DGKD: variants seen among roughly 807,000 people sequenced by gnomAD.
DGKD encodes diacylglycerol kinase delta, also known as DAG kinase delta.
In DGKD, 68 loss-of-function variants were observed where a neutral mutation model predicts 154.4. The ratio of observed to expected loss-of-function variants is 0.44; its 90% confidence interval spans 0.36 to 0.54. DGKD has a LOEUF of 0.54. DGKD is among the 20% of genes least tolerant of loss of function. The pLI is 0.00. For missense variants in DGKD, 1,343 were observed against 1,593.6 expected, an observed-to-expected ratio of 0.84 and a Z score of 2.68; for synonymous variants, 693 against 638.0, an observed-to-expected ratio of 1.09 and a Z score of -1.30.
At chr2:233,411,529 T>C (rs1300730682) in intron 3 of DGKD, among the ~76,000 whole-genome samples, 1 of 152,240 alleles carries the variant, frequency 6.6e-6, no homozygotes, top group African/African-American at 2.4e-5. Context: ...ATTTTTTTAA[T>C]TGGGTTCTTA....
chr2:233,354,764 A>G lies in DGKD; in HGVS notation c.156+90A>G. 1 of 795,932 alleles carries G rather than the reference A, an allele frequency of 1.3e-6. No individual in the cohort carries two copies. Among genetic ancestry groups the G allele is most frequent in the Non-Finnish European group, 1.5e-6 (1 of 661,816 alleles). 49.3% of individuals were successfully genotyped at this position (795,932 alleles called of 1,614,324 possible). On this transcript the variant is annotated intron_variant, in intron 1 of 29. Coordinates refer to ENST00000264057, the MANE Select transcript of DGKD (RefSeq NM_152879.3). This position sits in a 1 kb window ranked among gnomAD's most constrained non-coding sequence, Gnocchi z 4.8. The stretch of plus-strand genomic sequence containing the variant: ...CGTGGCCCTGCCCGAGCGGCCGCCC[A>G]GGCCCGGCTCGGCCCGGCCCGGGGT...
rs367697563 is a variant in DGKD, at chr2:233,459,842, A to G, written c.2780A>G (p.Tyr927Cys). Residue 927 changes from tyrosine to cysteine, a missense_variant, in exon 23 of 30, where the codon TAC becomes TGC. By Grantham distance (194) the Tyr-to-Cys change is radical. This residue lies in a region of DGKD where 429 missense variants were observed against 496.3 expected (regional missense o/e 0.86). Transcript: ENST00000264057. This position sits in a 1 kb window ranked among gnomAD's most constrained non-coding sequence, Gnocchi z 5.7. ...GAGGCCTGGGTCCAGCCGCCAGGGTACATTCGGATTGTCCACAAGAACCGG... is the reference window on the plus strand; with the variant it reads ...GAGGCCTGGGTCCAGCCGCCAGGGTGCATTCGGATTGTCCACAAGAACCGG... ...DGEAWVQPPG[Y>C]IRIVHKNRAQ... The G allele has an allele frequency of 3.7e-6, 6 of 1,614,002 alleles. 1 individual carries two copies. Among genetic ancestry groups the G allele is most frequent in the Non-Finnish European group, 5.1e-6 (6 of 1,180,010 alleles).
At chr2:233,463,847 G>A (rs1000021365) in intron 26 of DGKD, 2 of 345,266 alleles carry the variant, frequency 5.8e-6, no homozygotes, top group Non-Finnish European at 1.1e-5. Context: ...GCTTCCCACA[G>A]CATTTCCACT....
In DGKD at chr2:233,454,760, C is replaced by A; in HGVS notation, c.2265-3C>A. Reference sequence around the variant, plus strand: ...GTAATTGATTTAAAACTCACCTTTGCAGAGAGTATTACACGGAGAAATGTG... The same window carrying A: ...GTAATTGATTTAAAACTCACCTTTGAAGAGAGTATTACACGGAGAAATGTG... On this transcript the variant is annotated splice_region_variant and splice_polypyrimidine_tract_variant and intron_variant, in intron 18 of 29. Transcript: ENST00000264057. 2 of 1,581,734 alleles carry A rather than the reference C, an allele frequency of 1.3e-6. No individual in the cohort carries two copies. Among genetic ancestry groups the A allele is most frequent in the Non-Finnish European group, 1.7e-6 (2 of 1,150,888 alleles).
chr2:233,364,505 C>A (rs909309951), intron 1 of DGKD, among the ~76,000 whole-genome samples: 3 of 152,108 alleles, frequency 2.0e-5, no homozygotes, highest in African/African-American at 4.8e-5. Flanking sequence ...AGAAAGGAGG[C>A]AAATAGAGTA....
Position 233,471,275 on chromosome 2 carries a change from T to G in DGKD, c.*1815T>G, listed in dbSNP as rs1260715960. 1 of 152,416 alleles carries G rather than the reference T, an allele frequency of 6.6e-6. No individual in the cohort carries two copies. Among genetic ancestry groups the G allele is most frequent in the African/African-American group, 2.4e-5 (1 of 41,476 alleles). The allele number at this position is 152,416 out of a possible 1,614,324, so 9.4% of individuals were successfully genotyped here. On this transcript the variant is annotated 3_prime_UTR_variant, in exon 30 of 30. Coordinates refer to ENST00000264057, the MANE Select transcript of DGKD (RefSeq NM_152879.3). The stretch of plus-strand genomic sequence containing the variant: ...GTGGACTTAGCTGCCTCACTGGAAG[T>G]GATGTGGGTGGAAGGTGGTTGTATG...
intron 18 of DGKD, among the ~76,000 whole-genome samples, chr2:233,453,307 C>G (rs951381134): frequency 4.6e-5 from 7 of 152,198 alleles, no homozygotes; most frequent in African/African-American, 1.7e-4. Flanking sequence ...CTGCCCCAGC[C>G]ACTGCCGCCC....
chr2:233,357,048 C>T (rs1701559130), intron 1 of DGKD, among the ~76,000 whole-genome samples: 1 of 152,192 alleles, frequency 6.6e-6, no homozygotes, highest in Non-Finnish European at 1.5e-5. Context: ...GATGAGGCAA[C>T]AAGCAGGAAA....
At chr2:233,417,117 C>T (rs78210926) in intron 3 of DGKD, among the ~76,000 whole-genome samples, 1,937 of 152,316 alleles carry the variant, frequency 0.013, 32 homozygotes, top group African/African-American at 0.044. Flanking sequence ...ATTGCAACCT[C>T]TGCCTCCTGG....
At chr2:233,374,938 A>C (rs1389588960) in intron 1 of DGKD, among the ~76,000 whole-genome samples, 2 of 152,102 alleles carry the variant, frequency 1.3e-5, no homozygotes, top group African/African-American at 4.8e-5. Flanking sequence ...CAAAGTGCTG[A>C]GATTACAGGT....
chr2:233,418,033 A>G (rs1269993748), intron 3 of DGKD, among the ~76,000 whole-genome samples: 1 of 152,230 alleles, frequency 6.6e-6, no homozygotes, highest in Admixed American at 6.5e-5. Flanking sequence ...TGTGAATATT[A>G]TTAAATACAC....
At chr2:233,392,228 T>A (rs1259013644) in intron 3 of DGKD, 1 of 152,220 alleles carries the variant, frequency 6.6e-6, no homozygotes, top group East Asian at 1.9e-4. Context: ...TTTCACCATA[T>A]TGGCCAGGCT....
chr2:233,446,267 A>C lies in DGKD; in HGVS notation c.1335-445A>C, dbSNP rs2063066814. On this transcript the variant is annotated intron_variant, in intron 11 of 29. Coordinates refer to ENST00000264057, the MANE Select transcript of DGKD (RefSeq NM_152879.3). ...CATGCCTGTGGCACATGGGGTGCTGATGAGATGCCTCCTAGCCTTCCTAGT... is the reference window on the plus strand; with the variant it reads ...CATGCCTGTGGCACATGGGGTGCTGCTGAGATGCCTCCTAGCCTTCCTAGT... Among the ~76,000 whole-genome samples, 5 of 152,280 alleles carry C rather than the reference A, an allele frequency of 3.3e-5. No homozygotes were observed. The South Asian group carries it at 1.0e-3, about 32-fold the overall frequency.
Position 233,457,504 on chromosome 2 carries a change from T to A in DGKD, c.2580+176T>A, listed in dbSNP as rs924661689. The A allele has an allele frequency of 1.3e-5, 9 of 688,022 alleles. No individual in the cohort carries two copies. The highest frequency in any genetic ancestry group is 2.1e-5 in the Non-Finnish European group (8 of 375,556). 42.6% of individuals were successfully genotyped at this position (688,022 alleles called of 1,614,324 possible). On this transcript the variant is annotated intron_variant, in intron 21 of 29. Coordinates refer to ENST00000264057, the MANE Select transcript of DGKD (RefSeq NM_152879.3). This position sits in a 1 kb window ranked among gnomAD's most constrained non-coding sequence, Gnocchi z 5.5. ...CCACCCAGCTCATCGTCTAGAGGGC[T>A]GAGCAGAGCAGTTGTGTCAGTGAAG...
At position 233,444,705 on chromosome 2, in the gene DGKD, A is replaced by C. The variant is rs527288995; in HGVS notation, c.1195-918A>C. Among the ~76,000 whole-genome samples the C allele has an allele frequency of 3.3e-4, 49 of 148,854 alleles. 1 individual carries two copies. The highest frequency in any genetic ancestry group is 3.2e-3 in the Admixed American group (47 of 14,854). Reference sequence around the variant, plus strand: ...CTCGCTCCTGCCTCCCCTACTGCCAAATGTCCCCTTGGTGAGGCAGGACCT... The same window carrying C: ...CTCGCTCCTGCCTCCCCTACTGCCACATGTCCCCTTGGTGAGGCAGGACCT... On this transcript the variant is annotated intron_variant, in intron 10 of 29. Coordinates refer to ENST00000264057, the MANE Select transcript of DGKD (RefSeq NM_152879.3).
intron 10 of DGKD, among the ~76,000 whole-genome samples, chr2:233,443,873 G>A (rs534478352): frequency 2.0e-5 from 3 of 152,182 alleles, no homozygotes; most frequent in Admixed American, 1.3e-4. Flanking sequence ...TCTCCCCTGC[G>A]TCTCTTTGAC....
In DGKD at chr2:233,438,305, G is replaced by A. The variant is rs376848918; in HGVS notation, c.1011G>A (p.Lys337=). Residue 337 remains lysine (K), a synonymous_variant, in exon 9 of 30, where the codon AAG becomes AAA. Coordinates refer to ENST00000264057, the MANE Select transcript of DGKD (RefSeq NM_152879.3). The surrounding 1 kb of genome is among the most constrained non-coding windows in gnomAD (Gnocchi z 4.1). ...NSKSGDNQGV[K]FLRRFKQLLN... is the part of the protein sequence containing the mutation. ...AAAGTGGGGACAACCAGGGTGTGAA[G>A]TTCCTCAGAAGATTCAAACAGCTAC... 3.7e-6 allele frequency: 6 copies of A among 1,614,108 alleles called. No homozygotes were observed. Among genetic ancestry groups the A allele is most frequent in the Non-Finnish European group, 5.1e-6 (6 of 1,180,044 alleles).
chr2:233,404,730 A>G (rs1375738901), intron 3 of DGKD, among the ~76,000 whole-genome samples: 1 of 152,004 alleles, frequency 6.6e-6, no homozygotes, highest in East Asian at 1.9e-4. Flanking sequence ...GTTGAAGGGA[A>G]GTGGACAGAT....
In DGKD at chr2:233,441,492, A is replaced by G. The variant is rs1032074912; in HGVS notation, c.1086-395A>G. ...GAAGGCTGGCAGGGGCCACATGTGGATGGGGCAGGGACAGTGACGCAGGGT... is the reference window on the plus strand; with the variant it reads ...GAAGGCTGGCAGGGGCCACATGTGGGTGGGGCAGGGACAGTGACGCAGGGT... On this transcript the variant is annotated intron_variant, in intron 9 of 29. Coordinates refer to ENST00000264057, the MANE Select transcript of DGKD (RefSeq NM_152879.3). The surrounding 1 kb of genome is among the most constrained non-coding windows in gnomAD (Gnocchi z 5.6). 6.6e-6 allele frequency among the ~76,000 whole-genome samples: 1 copy of G among 152,080 alleles called. No individual in the cohort carries two copies. The highest frequency in any genetic ancestry group is 1.5e-5 in the Non-Finnish European group (1 of 67,996).
Sources: gnomAD v4.1 joint callset for allele counts (sites outside exome capture counted in the v4.1 genomes callset) on GRCh38, gnomAD v4.1.1 for gene constraint, gnomAD v4.1.1 regional missense constraint, Gnocchi (gnomAD v3.1) non-coding constraint, MANE v1.5 for transcripts, NCBI Gene and HGNC (gene_info 2026-07-23, HGNC 2026-07-21) for gene names.